The following AGBL4 variants were observed in gnomAD, a reference collection of about 807,000 sequenced individuals.
The protein encoded by AGBL4 is cytosolic carboxypeptidase 6.
In AGBL4, 58 loss-of-function variants were observed where a neutral mutation model predicts 66.4. The ratio of observed to expected loss-of-function variants is 0.87; its 90% confidence interval spans 0.71 to 1.09. The LOEUF (loss-of-function observed/expected upper bound fraction) is 1.09, where lower values mean the gene tolerates loss of function less well. Ranked by LOEUF, AGBL4 falls within the 50% of genes least tolerant of loss-of-function variation. The pLI, the probability that AGBL4 is intolerant of heterozygous loss-of-function variation, is 0.00. For synonymous variants in AGBL4, 234 were observed against 222.9 expected (o/e 1.05, Z -0.44); for missense variants, 579 against 631.0 (o/e 0.92, Z 0.88).
At chr1:48,635,126 C>T (rs556676799) in intron 8 of AGBL4, among the ~76,000 whole-genome samples, 120 of 152,310 alleles carry the variant, frequency 7.9e-4, no homozygotes, top group Admixed American at 2.7e-3. Context: ...TTCTTGTCTT[C>T]TCCTTGCCTC....
At chr1:49,370,272 A>G (rs1644316437) in intron 3 of AGBL4, among the ~76,000 whole-genome samples, 2 of 151,598 alleles carry the variant, frequency 1.3e-5, no homozygotes, top group Admixed American at 6.6e-5. Flanking sequence ...CTCACGTTAT[A>G]GTGGAGGCTG....
intron 3 of AGBL4, among the ~76,000 whole-genome samples, chr1:49,446,008 T>C (rs953939449): frequency 3.3e-5 from 5 of 152,044 alleles, no homozygotes; most frequent in Non-Finnish European, 5.9e-5. Context: ...CCTGCCACCA[T>C]GCCTGACTAA....
chr1:49,149,590 A>G (rs886466361), intron 4 of AGBL4, among the ~76,000 whole-genome samples: 1 of 152,216 alleles, frequency 6.6e-6, no homozygotes, highest in Non-Finnish European at 1.5e-5. Context: ...CTAATGGTAC[A>G]TTTAACATAA....
intron 4 of AGBL4, among the ~76,000 whole-genome samples, chr1:49,196,182 C>T (rs997186091): frequency 2.0e-5 from 3 of 152,114 alleles, no homozygotes; most frequent in Non-Finnish European, 1.5e-5. Context: ...AGTTTGGTCA[C>T]TTTATATAGT....
intron 3 of AGBL4, among the ~76,000 whole-genome samples, chr1:49,563,932 C>T (rs1441257689): frequency 1.3e-5 from 2 of 152,212 alleles, no homozygotes; most frequent in Admixed American, 1.3e-4. Flanking sequence ...GTGAATCCAT[C>T]TGGTCCTGGA....
intron 3 of AGBL4, among the ~76,000 whole-genome samples, chr1:49,651,554 C>A (rs766619163): frequency 2.6e-5 from 4 of 152,076 alleles, no homozygotes; most frequent in Non-Finnish European, 4.4e-5. Flanking sequence ...ATTACTACAA[C>A]AAGCAGCATT....
intron 2 of AGBL4, among the ~76,000 whole-genome samples, chr1:49,710,196 C>A (rs1647540398): frequency 6.6e-6 from 1 of 152,096 alleles, no homozygotes; most frequent in Admixed American, 6.6e-5. Context: ...AACCCAAATG[C>A]CCATCAATGG....
intron 1 of AGBL4, among the ~76,000 whole-genome samples, chr1:49,881,204 C>T (rs1647264399): frequency 6.6e-6 from 1 of 152,148 alleles, no homozygotes; most frequent in African/African-American, 2.4e-5. Context: ...TATGTCCCTA[C>T]AAAGGACATG....
intron 6 of AGBL4, among the ~76,000 whole-genome samples, chr1:48,820,761 T>C (rs1646293651): frequency 6.6e-6 from 1 of 152,120 alleles, no homozygotes; most frequent in Admixed American, 6.6e-5. Context: ...TTAGGGGACT[T>C]AATAAATGAT....
intron 2 of AGBL4, among the ~76,000 whole-genome samples, chr1:49,828,414 C>A (rs748261790): frequency 4.6e-5 from 7 of 151,932 alleles, no homozygotes; most frequent in Non-Finnish European, 8.8e-5. Flanking sequence ...AATCTGAATA[C>A]CAAGAAGTAA....
At chr1:49,659,336 G>A (rs1436536181) in intron 3 of AGBL4, among the ~76,000 whole-genome samples, 1 of 152,106 alleles carries the variant, frequency 6.6e-6, no homozygotes, top group African/African-American at 2.4e-5. Flanking sequence ...ATGTAAATGG[G>A]TTAAATGCCC....
chr1:48,634,436 G>A, intron 9 of AGBL4, 57 bp downstream of exon 9: 1 of 1,410,752 alleles, frequency 7.1e-7, no homozygotes, highest in Non-Finnish European at 9.8e-7. Context: ...ATACAATGCT[G>A]CCCTTTCCCA....
intron 4 of AGBL4, among the ~76,000 whole-genome samples, chr1:49,240,309 C>T (rs1164465003): frequency 2.0e-5 from 3 of 151,854 alleles, no homozygotes; most frequent in Admixed American, 6.6e-5. Flanking sequence ...GAGAGCTGTC[C>T]ATATTTATTG....
At chr1:49,151,100 C>G (rs1341093493) in intron 4 of AGBL4, among the ~76,000 whole-genome samples, 2 of 151,682 alleles carry the variant, frequency 1.3e-5, no homozygotes, top group Non-Finnish European at 1.5e-5. Context: ...AACCTCGTCT[C>G]TACTAAAAAT....
At chr1:49,482,791 G>C (rs1346637712) in intron 3 of AGBL4, among the ~76,000 whole-genome samples, 1 of 152,000 alleles carries the variant, frequency 6.6e-6, no homozygotes, top group East Asian at 1.9e-4. Context: ...AACTGCCTGA[G>C]CTATGTCCCA....
intron 3 of AGBL4, among the ~76,000 whole-genome samples, chr1:49,305,507 G>A (rs543741516): frequency 2.6e-5 from 4 of 151,968 alleles, no homozygotes; most frequent in Non-Finnish European, 1.5e-5. Context: ...GCCTATGAAG[G>A]GACAACTGTA....
chr1:49,932,703 T>C (rs1038082308), intron 1 of AGBL4, among the ~76,000 whole-genome samples: 1 of 151,898 alleles, frequency 6.6e-6, no homozygotes, highest in Non-Finnish European at 1.5e-5. Flanking sequence ...CCCACTTTCC[T>C]CCCCACAAAC....
chr1:49,221,118 T>C (rs540173715), intron 4 of AGBL4, among the ~76,000 whole-genome samples: 1 of 152,222 alleles, frequency 6.6e-6, no homozygotes, highest in Admixed American at 6.6e-5. Context: ...TTTAGAGATA[T>C]CTCCTCACAG....
intron 3 of AGBL4, among the ~76,000 whole-genome samples, chr1:49,440,903 T>C (rs957736739): frequency 6.6e-6 from 1 of 152,058 alleles, no homozygotes; most frequent in Non-Finnish European, 1.5e-5. Context: ...GATGAACTTT[T>C]TTTGCCAGAA....
Sources: allele counts gnomAD v4.1 joint callset (sites outside exome capture counted in the v4.1 genomes callset), GRCh38; gene constraint gnomAD v4.1.1; transcripts MANE v1.5; gene names NCBI Gene and HGNC (gene_info 2026-07-23, HGNC 2026-07-21).